The following FGGY variants were observed in gnomAD, a reference collection of about 807,000 sequenced individuals.
FGGY encodes FGGY carbohydrate kinase domain containing, also known as FGGY carbohydrate kinase domain-containing protein.
FGGY carries 72 observed loss-of-function variants against 71.3 expected under a neutral mutation model. That is an observed-to-expected ratio of 1.01 (90% confidence interval 0.84 to 1.23). The LOEUF (loss-of-function observed/expected upper bound fraction) is 1.23, where lower values mean the gene tolerates loss of function less well. Among genes scored for constraint, FGGY ranks in the 50% most tolerant of loss-of-function variants. FGGY has a pLI of 0.00. For synonymous variants in FGGY, 251 were observed against 250.3 expected, an observed-to-expected ratio of 1.00 and a Z score of -0.02; for missense variants, 668 against 682.3, an observed-to-expected ratio of 0.98 and a Z score of 0.23.
intron 5 of FGGY, among the ~76,000 whole-genome samples, chr1:59,436,073 A>G (rs1026889619): frequency 6.6e-6 from 1 of 152,036 alleles, no homozygotes; most frequent in Admixed American, 6.6e-5. Flanking sequence ...TTGCCTCCCT[A>G]CCGCGCTCAG....
intron 14 of FGGY, among the ~76,000 whole-genome samples, chr1:59,706,932 G>A (rs1163405160): frequency 6.6e-6 from 1 of 152,128 alleles, no homozygotes; most frequent in African/African-American, 2.4e-5. Context: ...TCCATTTAAG[G>A]GAAGATTCCT....
At chr1:59,344,019 G>T (rs1411144123) in intron 3 of FGGY, among the ~76,000 whole-genome samples, 1 of 152,122 alleles carries the variant, frequency 6.6e-6, no homozygotes, top group African/African-American at 2.4e-5. Flanking sequence ...ATAGGAGCTG[G>T]ACATCAGTAT....
At position 59,534,880 on chromosome 1, in the gene FGGY, C is replaced by G. The variant is rs561307413; in HGVS notation, c.800-19244C>G. ...CAGTACCAGCCACTGCAAAATCATG[C>G]CAAAATGTAAAGACCATCGAGACTA... On this transcript the variant is annotated intron_variant, in intron 7 of 15. Coordinates refer to ENST00000303721, the MANE Select transcript of FGGY (RefSeq NM_018291.5). Among the ~76,000 whole-genome samples, 52 of 151,938 alleles carry G rather than the reference C, an allele frequency of 3.4e-4. No individual in the cohort carries two copies. The East Asian group carries it at 4.3e-3, about 12-fold the overall frequency.
intron 9 of FGGY, among the ~76,000 whole-genome samples, chr1:59,619,238 A>T (rs1435947710): frequency 3.3e-5 from 5 of 152,118 alleles, no homozygotes; most frequent in Admixed American, 6.6e-5. Context: ...GTGAGAAAGT[A>T]GCAGTGAGTA....
At chr1:59,396,650 A>G (rs750808759) in intron 5 of FGGY, among the ~76,000 whole-genome samples, 30 of 152,164 alleles carry the variant, frequency 2.0e-4, no homozygotes, top group Non-Finnish European at 3.4e-4. Context: ...AAAAAGGGAC[A>G]CTGGACTTCA....
rs766590966 is a variant in FGGY at position 59,335,248 on chromosome 1, C to T, written c.202-4710C>T. ...GTCAACCCCAAGCCCCAGTCAGAGG[C>T]GCTTTCTGTCTTTATAGGTGTTCTT... On this transcript the variant is annotated intron_variant, in intron 2 of 15. Transcript: ENST00000303721. Among the ~76,000 whole-genome samples, 5 of 152,166 alleles carry T rather than the reference C, an allele frequency of 3.3e-5. No homozygotes were observed. The East Asian group carries it at 5.8e-4, about 18-fold the overall frequency.
At chr1:59,386,774 A>C (rs1425779805) in intron 5 of FGGY, among the ~76,000 whole-genome samples, 1 of 152,188 alleles carries the variant, frequency 6.6e-6, no homozygotes, top group Non-Finnish European at 1.5e-5. Context: ...ACTGTAAGTA[A>C]GTTTGGTTTA....
chr1:59,716,502 A>C (rs962411306), intron 14 of FGGY, among the ~76,000 whole-genome samples: 2 of 152,110 alleles, frequency 1.3e-5, no homozygotes, highest in Non-Finnish European at 2.9e-5. Context: ...CCATTTGGGG[A>C]CCCTCAGAGG....
chr1:59,588,105 T>C (rs1382245929), intron 8 of FGGY, among the ~76,000 whole-genome samples: 2 of 152,120 alleles, frequency 1.3e-5, no homozygotes, highest in South Asian at 4.1e-4. Flanking sequence ...TTAAAGGAGC[T>C]GATGGAGCTG....
intron 8 of FGGY, among the ~76,000 whole-genome samples, chr1:59,575,533 G>C (rs1281801844): frequency 6.6e-6 from 1 of 151,990 alleles, no homozygotes; most frequent in Non-Finnish European, 1.5e-5. Context: ...TCATATCTTG[G>C]CAATTGTGAA....
At chr1:59,342,927 G>A (rs1398318604) in intron 3 of FGGY, among the ~76,000 whole-genome samples, 3 of 152,154 alleles carry the variant, frequency 2.0e-5, no homozygotes, top group Admixed American at 6.6e-5. Flanking sequence ...TTCCTTGTTT[G>A]ACTCTTCTTC....
At chr1:59,375,397 C>G (rs1196796769) in intron 4 of FGGY, among the ~76,000 whole-genome samples, 1 of 151,850 alleles carries the variant, frequency 6.6e-6, no homozygotes, top group East Asian at 1.9e-4. Flanking sequence ...TTCCTCTTTG[C>G]TGGCCTATCT....
intron 5 of FGGY, among the ~76,000 whole-genome samples, chr1:59,385,916 G>A (rs1464584600): frequency 6.6e-6 from 1 of 152,012 alleles, no homozygotes; most frequent in Non-Finnish European, 1.5e-5. Flanking sequence ...TTCTAACATT[G>A]GGAGTCTGAG....
At chr1:59,558,837 C>T (rs2095737600) in intron 8 of FGGY, among the ~76,000 whole-genome samples, 1 of 152,058 alleles carries the variant, frequency 6.6e-6, no homozygotes, top group Admixed American at 6.5e-5. Context: ...ATAGACCTCC[C>T]CCCAGGAATG....
intron 14 of FGGY, among the ~76,000 whole-genome samples, chr1:59,685,136 G>A (rs2097534202): frequency 6.6e-6 from 1 of 152,150 alleles, no homozygotes; most frequent in Non-Finnish European, 1.5e-5. Context: ...TGCTTTGGAG[G>A]GCACCTATAG....
intron 5 of FGGY, among the ~76,000 whole-genome samples, chr1:59,389,158 G>C (rs1165082160): frequency 6.6e-6 from 1 of 152,238 alleles, no homozygotes; most frequent in East Asian, 1.9e-4. Flanking sequence ...ATATTGGTTA[G>C]GCAGGTCTTG....
intron 15 of FGGY, 101 bp from the exon 16 acceptor site, chr1:59,762,402 C>A: frequency 1.2e-6 from 1 of 816,672 alleles, no homozygotes; most frequent in East Asian, 2.7e-5. Flanking sequence ...TAGGTGTCAG[C>A]ATCACCACCA....
chr1:59,548,848 C>T (rs2095565407), intron 7 of FGGY, among the ~76,000 whole-genome samples: 1 of 152,080 alleles, frequency 6.6e-6, no homozygotes, highest in African/African-American at 2.4e-5. Context: ...GGGTACTTTA[C>T]ACCTATATTA....
chr1:59,526,569 G>A (rs1412896765), intron 7 of FGGY, among the ~76,000 whole-genome samples: 1 of 152,166 alleles, frequency 6.6e-6, no homozygotes, highest in African/African-American at 2.4e-5. Context: ...CAAGAGTATA[G>A]GGAATGGATC....
Sources: gnomAD v4.1 joint callset for allele counts (sites outside exome capture counted in the v4.1 genomes callset) on GRCh38, gnomAD v4.1.1 for gene constraint, MANE v1.5 for transcripts, NCBI Gene and HGNC (gene_info 2026-07-23, HGNC 2026-07-21) for gene names.